IQCM: variants seen among roughly 807,000 people sequenced by gnomAD.
The protein encoded by IQCM is IQ domain-containing protein M.
Under a neutral mutation model 57.6 loss-of-function variants are expected in IQCM, and 45 were observed. That is an observed-to-expected ratio of 0.78 (90% CI 0.62 to 1.00). IQCM has a LOEUF of 1.00. IQCM is among the 50% of genes least tolerant of loss of function. The pLI, the probability that IQCM is intolerant of heterozygous loss-of-function variation, is 0.00. For missense variants in IQCM, 468 were observed against 511.6 expected, an observed-to-expected ratio of 0.91 and a Z score of 0.82; for synonymous variants, 148 against 158.9, an observed-to-expected ratio of 0.93 and a Z score of 0.51.
intron 10 of IQCM, 38 bp from the exon 11 acceptor site, chr4:149,553,325 T>C (rs1038995985): frequency 2.5e-6 from 3 of 1,223,184 alleles, no homozygotes; most frequent in Admixed American, 4.2e-5. Context: ...ATTTCTGGTA[T>C]TTATATTTAA....
At chr4:149,790,127 T>C in intron 2 of IQCM, 3 of 660,104 alleles carry the variant, frequency 4.5e-6, no homozygotes, top group Non-Finnish European at 7.3e-6. Context: ...ATTTACTCTA[T>C]GGCAGGTTGG....
intron 12 of IQCM, among the ~76,000 whole-genome samples, chr4:149,442,806 T>C (rs966171033): frequency 6.6e-6 from 1 of 151,960 alleles, no homozygotes; most frequent in African/African-American, 2.4e-5. Flanking sequence ...TCTAGGCTTT[T>C]TCTGTAAGGC....
intron 12 of IQCM, among the ~76,000 whole-genome samples, chr4:149,497,861 T>A (rs536147730): frequency 5.3e-5 from 8 of 152,296 alleles, no homozygotes; most frequent in Admixed American, 1.3e-4. Flanking sequence ...TTAGTATTTT[T>A]CTTTTTGGTT....
intron 13 of IQCM, among the ~76,000 whole-genome samples, chr4:149,402,162 A>G (rs1732661752): frequency 6.6e-6 from 1 of 151,744 alleles, no homozygotes; most frequent in South Asian, 2.1e-4. Flanking sequence ...GCACAAAACA[A>G]TATTAAGGTT....
chr4:149,502,831 A>T (rs1339102492), intron 12 of IQCM, among the ~76,000 whole-genome samples: 2 of 152,148 alleles, frequency 1.3e-5, no homozygotes, highest in African/African-American at 4.8e-5. Flanking sequence ...GAAAATGTAC[A>T]AGCAATCAGA....
In IQCM at chr4:149,644,286, C is replaced by T. The variant is rs542525836; in HGVS notation, c.566-23042G>A. Among the ~76,000 whole-genome samples, 5 of 152,162 alleles carry T rather than the reference C, an allele frequency of 3.3e-5. No individual in the cohort carries two copies. In the East Asian group the frequency reaches 9.7e-4, roughly 29 times the overall value. On this transcript the variant is annotated intron_variant, in intron 7 of 13. Coordinates refer to ENST00000636793, the MANE Select transcript of IQCM (RefSeq NM_001363507.2). The stretch of plus-strand genomic sequence containing the variant: ...ATATAGATGCTACCACCCTAGAATC[C>T]TTCCTTCCCAAAGTACTTTTCCTCC...
chr4:149,571,800 A>T (rs1751189204), intron 9 of IQCM, among the ~76,000 whole-genome samples: 1 of 152,130 alleles, frequency 6.6e-6, no homozygotes, highest in Admixed American at 6.6e-5. Context: ...AACCAAATAA[A>T]CAGTTGCTGA....
In IQCM at chr4:149,573,373, C is replaced by T. The variant is rs1206705248; in HGVS notation, c.750-9483G>A. Among the ~76,000 whole-genome samples, 3 of 151,912 alleles carry T rather than the reference C, an allele frequency of 2.0e-5. No homozygotes were observed. In the East Asian group the frequency reaches 5.8e-4, roughly 30 times the overall value. ...CCAAGGAACTCCTCTTCAAGACCTT[C>T]CTTCAAAGATTGTTTCATTGACTCC... On this transcript the variant is annotated intron_variant, in intron 9 of 13. Coordinates refer to ENST00000636793, the MANE Select transcript of IQCM (RefSeq NM_001363507.2).
chr4:149,507,033 A>T (rs1743891864), intron 12 of IQCM, among the ~76,000 whole-genome samples: 1 of 152,098 alleles, frequency 6.6e-6, no homozygotes, highest in Admixed American at 6.6e-5. Flanking sequence ...GATAGTTCTC[A>T]TGAGATCTGA....
At chr4:149,512,253 T>C (rs907420168) in intron 12 of IQCM, among the ~76,000 whole-genome samples, 3 of 151,940 alleles carry the variant, frequency 2.0e-5, no homozygotes, top group African/African-American at 4.8e-5. Flanking sequence ...AAGTAGTTTA[T>C]AGGGGTTGGG....
chr4:149,637,211 A>G (rs1390878753), intron 7 of IQCM, among the ~76,000 whole-genome samples: 1 of 151,868 alleles, frequency 6.6e-6, no homozygotes, highest in Non-Finnish European at 1.5e-5. Context: ...CAGTATACAA[A>G]GTAAATTAAA....
Position 149,730,630 on chromosome 4 carries a change from T to C in IQCM, c.385+2614A>G, listed in dbSNP as rs762185046. ...CTCTAGCTAGATAGAATTTTCTTTC[T>C]CTTTTGAGTTAACACTTATTTATCT... On this transcript the variant is annotated intron_variant, in intron 5 of 13. Transcript: ENST00000636793. Among the ~76,000 whole-genome samples the C allele has an allele frequency of 5.9e-5, 9 of 152,332 alleles. No individual in the cohort carries two copies. The East Asian group carries it at 1.7e-3, about 29-fold the overall frequency.
intron 2 of IQCM, among the ~76,000 whole-genome samples, chr4:149,790,851 T>C (rs1029484410): frequency 6.6e-6 from 1 of 152,170 alleles, no homozygotes; most frequent in African/African-American, 2.4e-5. Flanking sequence ...GGTACTTTTA[T>C]TTATTCTATC....
chr4:149,496,908 G>T (rs1742716581), intron 12 of IQCM, among the ~76,000 whole-genome samples: 1 of 152,084 alleles, frequency 6.6e-6, no homozygotes, highest in African/African-American at 2.4e-5. Flanking sequence ...AATATGAATG[G>T]CAAAATAAGA....
chr4:149,371,662 C>T (rs1016635176), intron 13 of IQCM, among the ~76,000 whole-genome samples: 1 of 152,190 alleles, frequency 6.6e-6, no homozygotes, highest in African/African-American at 2.4e-5. Flanking sequence ...ACATAAAGCT[C>T]CACAGAAATA....
chr4:149,595,126 A>G (rs1209654483), intron 8 of IQCM, among the ~76,000 whole-genome samples: 1 of 152,116 alleles, frequency 6.6e-6, no homozygotes, highest in African/African-American at 2.4e-5. Flanking sequence ...TTGCTTTATG[A>G]ATCTGGGTGC....
chr4:149,505,227 C>T (rs1453924634), intron 12 of IQCM, among the ~76,000 whole-genome samples: 1 of 152,120 alleles, frequency 6.6e-6, no homozygotes, highest in Non-Finnish European at 1.5e-5. Context: ...TCACCTCAAA[C>T]ATACGTACGA....
chr4:149,582,869 G>T (rs1047035028), intron 9 of IQCM, among the ~76,000 whole-genome samples: 1 of 151,276 alleles, frequency 6.6e-6, no homozygotes, highest in African/African-American at 2.4e-5. Context: ...TTTTAGGTGA[G>T]AAATTTTAAG....
At chr4:149,518,236 G>A (rs1478247678) in intron 12 of IQCM, among the ~76,000 whole-genome samples, 1 of 152,152 alleles carries the variant, frequency 6.6e-6, no homozygotes, top group Non-Finnish European at 1.5e-5. Context: ...CATGAAGGGA[G>A]TAGGAGAGTG....
Sources: allele counts gnomAD v4.1 joint callset (sites outside exome capture counted in the v4.1 genomes callset), GRCh38; gene constraint gnomAD v4.1.1; transcripts MANE v1.5; gene names NCBI Gene and HGNC (gene_info 2026-07-23, HGNC 2026-07-21).